The following GNG2 variants were observed in gnomAD, a reference collection of about 807,000 sequenced individuals.
The protein encoded by GNG2 is guanine nucleotide-binding protein G(I)/G(S)/G(O) subunit gamma-2.
GNG2 carries 5 observed loss-of-function variants against 5.5 expected under a neutral mutation model. The observed-to-expected ratio is 0.91, with a 90% CI of 0.48 to 1.92. The LOEUF is 1.92. GNG2 is among the 30% of genes most tolerant of loss of function. The pLI is 0.01. For missense variants in GNG2, 55 were observed against 88.4 expected (o/e 0.62, Z 1.52); for synonymous variants, 28 against 32.0 (o/e 0.88, Z 0.42).
At chr14:51,830,611 G>A (rs1364394912) in intron 2 of GNG2, among the ~76,000 whole-genome samples, 1 of 152,132 alleles carries the variant, frequency 6.6e-6, no homozygotes, top group African/African-American at 2.4e-5. Context: ...CTTTTCACTT[G>A]CAGACTCTAC....
intron 2 of GNG2, among the ~76,000 whole-genome samples, chr14:51,903,461 T>G (rs1205618810): frequency 6.6e-6 from 1 of 152,236 alleles, no homozygotes; most frequent in Non-Finnish European, 1.5e-5. Flanking sequence ...ATATGTGGTT[T>G]GAGCAAGGGC....
intron 3 of GNG2, among the ~76,000 whole-genome samples, chr14:51,960,875 T>G (rs1022514855): frequency 1.1e-4 from 16 of 152,182 alleles, no homozygotes; most frequent in African/African-American, 3.9e-4. Flanking sequence ...TGCTCCTTCC[T>G]GATATTCTTT....
chr14:51,929,400 G>T (rs1344683972), intron 2 of GNG2, among the ~76,000 whole-genome samples: 1 of 152,196 alleles, frequency 6.6e-6, no homozygotes, highest in Non-Finnish European at 1.5e-5. Flanking sequence ...ATGCGAGGAT[G>T]CTGAGAATCA....
chr14:51,827,133 A>G (rs1340853254), intron 1 of GNG2, among the ~76,000 whole-genome samples: 3 of 152,090 alleles, frequency 2.0e-5, no homozygotes, highest in Non-Finnish European at 4.4e-5. Flanking sequence ...GGATCTTTTA[A>G]AAGTTCCAAA....
At chr14:51,892,632 T>C (rs1187750056) in intron 2 of GNG2, among the ~76,000 whole-genome samples, 2 of 152,172 alleles carry the variant, frequency 1.3e-5, no homozygotes, top group African/African-American at 2.4e-5. Context: ...GTATTTTTAA[T>C]TTACAAATGT....
In GNG2 at chr14:51,966,209, CAAAAAAAAA is replaced by C. The variant is rs34653524; in HGVS notation, c.88-330_88-322del. Among the ~76,000 whole-genome samples the C allele has an allele frequency of 5.3e-4, 15 of 28,136 alleles. No homozygotes were observed. In the South Asian group the frequency reaches 0.018, roughly 34 times the overall value. The allele number at this position is 28,136 out of a possible 152,430, so 18.5% of individuals were successfully genotyped here. A position where few individuals can be genotyped will look rare whatever the true frequency, so the allele number is the denominator to read the frequency against. ...TGGGCAACAGAGCGAGACTGCATCT[CAAAAAAAAA>C]AAAAAAAAAAAAAAAAAAACAAATG... On this transcript the variant is annotated intron_variant, in intron 3 of 3. Coordinates refer to ENST00000556766, the MANE Select transcript of GNG2 (RefSeq NM_053064.5).
chr14:51,955,308 C>G (rs1438868702), intron 3 of GNG2, among the ~76,000 whole-genome samples: 1 of 152,156 alleles, frequency 6.6e-6, no homozygotes, highest in African/African-American at 2.4e-5. Flanking sequence ...CCTCTTATTT[C>G]TTTGCCTCTC....
At chr14:51,879,766 T>C (rs1883920016) in intron 2 of GNG2, among the ~76,000 whole-genome samples, 1 of 152,196 alleles carries the variant, frequency 6.6e-6, no homozygotes, top group Non-Finnish European at 1.5e-5. Context: ...TGTGATAAGA[T>C]TGAACATACC....
chr14:51,896,492 A>G (rs1885200866), intron 2 of GNG2, among the ~76,000 whole-genome samples: 1 of 152,222 alleles, frequency 6.6e-6, no homozygotes, highest in Admixed American at 6.5e-5. Context: ...AGAATGAGAT[A>G]AGATGAGGAA....
chr14:51,873,557 A>G (rs1883446523), intron 1 of GNG2, among the ~76,000 whole-genome samples: 1 of 152,254 alleles, frequency 6.6e-6, no homozygotes, highest in Non-Finnish European at 1.5e-5. Context: ...TAGGTTAGCC[A>G]TATTAGTGTT....
intron 1 of GNG2, among the ~76,000 whole-genome samples, chr14:51,877,143 C>G (rs1363718581): frequency 2.0e-5 from 3 of 152,182 alleles, no homozygotes; most frequent in Non-Finnish European, 4.4e-5. Context: ...CCTCCACCCT[C>G]CTAAAGGGCC....
intron 2 of GNG2, among the ~76,000 whole-genome samples, chr14:51,891,913 C>T (rs1884880583): frequency 6.6e-6 from 1 of 152,174 alleles, no homozygotes; most frequent in Non-Finnish European, 1.5e-5. Context: ...TCCTGGTTCA[C>T]ATTCAGGAGT....
intron 2 of GNG2, among the ~76,000 whole-genome samples, chr14:51,937,675 T>C (rs1422885626): frequency 8.4e-6 from 1 of 119,302 alleles, no homozygotes; most frequent in Non-Finnish European, 1.5e-5. Flanking sequence ...GTGCACATTG[T>C]GCAGGTTAGT....
At position 51,966,209 on chromosome 14, in the gene GNG2, C is replaced by CAAAAAAAAA. The variant is rs34653524; in HGVS notation, c.88-330_88-322dup. 2.4e-3 allele frequency among the ~76,000 whole-genome samples: 68 copies of CAAAAAAAAA among 28,124 alleles called. 2 individuals carry two copies. The highest frequency in any genetic ancestry group is 2.6e-3 in the Non-Finnish European group (45 of 17,394). 18.5% of individuals were successfully genotyped at this position (28,124 alleles called of 152,430 possible). A position where few individuals can be genotyped will look rare whatever the true frequency, so the allele number is the denominator to read the frequency against. ...TGGGCAACAGAGCGAGACTGCATCT[C>CAAAAAAAAA]AAAAAAAAAAAAAAAAAAAAAAAAA... On this transcript the variant is annotated intron_variant, in intron 3 of 3. Coordinates refer to ENST00000556766, the MANE Select transcript of GNG2 (RefSeq NM_053064.5).
intron 2 of GNG2, among the ~76,000 whole-genome samples, chr14:51,895,097 T>TA (rs1405703818): frequency 1.3e-5 from 2 of 149,022 alleles, no homozygotes; most frequent in Non-Finnish European, 3.0e-5. Flanking sequence ...AGCCAGGAAA[T>TA]AAAAAGCCAT....
rs1881977179 is a variant in GNG2 at position 51,852,941 on chromosome 14, TG to T, written c.64+25136del. On this transcript the variant is annotated intron_variant, in intron 2 of 3. Coordinates refer to the GNG2 transcript ENST00000553432. ...TCAAGAACAGATTTTTTTTTCCTGC[TG>T]GTTTAATGTTATTACTTGGTCGGTA... Among the ~76,000 whole-genome samples the T allele has an allele frequency of 2.6e-5, 4 of 152,312 alleles. No individual in the cohort carries two copies. The South Asian group carries it at 8.3e-4, about 32-fold the overall frequency.
At position 51,926,367 on chromosome 14, in the gene GNG2, A is replaced by G. The variant is rs529878639; in HGVS notation, c.-29-24283A>G. Among the ~76,000 whole-genome samples the G allele has an allele frequency of 2.0e-4, 30 of 152,356 alleles. No individual in the cohort carries two copies. The South Asian group carries it at 2.9e-3, about 15-fold the overall frequency. On this transcript the variant is annotated intron_variant, in intron 2 of 3. Transcript: ENST00000556766. ...CCATCTCTTCCCTTCTAAACAAGTC[A>G]TAGAAACTATGGACAAAAGTAGACT...
intron 2 of GNG2, among the ~76,000 whole-genome samples, chr14:51,848,891 G>A (rs75402629): frequency 0.012 from 1,783 of 152,274 alleles, 36 homozygotes; most frequent in African/African-American, 0.041. Context: ...CTTTCTACCC[G>A]CTGGTCTAAC....
At chr14:51,954,887 G>A (rs1026119868) in intron 3 of GNG2, among the ~76,000 whole-genome samples, 2 of 152,086 alleles carry the variant, frequency 1.3e-5, no homozygotes, top group Non-Finnish European at 2.9e-5. Flanking sequence ...TGCCATCTCT[G>A]TTCCAGCAAG....
Sources: gnomAD v4.1 joint callset for allele counts (sites outside exome capture counted in the v4.1 genomes callset) on GRCh38, gnomAD v4.1.1 for gene constraint, MANE v1.5 for transcripts, NCBI Gene and HGNC (gene_info 2026-07-23, HGNC 2026-07-21) for gene names.